ROBO2: variants seen among roughly 807,000 people sequenced by gnomAD.
The protein encoded by ROBO2 is roundabout guidance receptor 2, also known as roundabout homolog 2.
In ROBO2, 53 loss-of-function variants were observed where a neutral mutation model predicts 160.8. That is an observed-to-expected ratio of 0.33 (90% CI 0.26 to 0.41). ROBO2 has a LOEUF of 0.41. ROBO2 is among the 10% of genes least tolerant of loss of function. ROBO2 has a pLI of 1.00. For synonymous variants in ROBO2, 664 were observed against 611.7 expected (o/e 1.09, Z -1.26); for missense variants, 1,577 against 1,722.4 (o/e 0.92, Z 1.49).
At chr3:75,961,888 TTTA>T in intron 2 of ROBO2, among the ~76,000 whole-genome samples, 1 of 151,472 alleles carries the variant, frequency 6.6e-6, no homozygotes, top group East Asian at 2.0e-4. Context: ...CTAGAAGTAA[TTTA>T]TTCTTTCATT....
chr3:76,194,973 G>T (rs149219876), intron 2 of ROBO2, among the ~76,000 whole-genome samples: 49 of 152,218 alleles, frequency 3.2e-4, no homozygotes, highest in African/African-American at 1.1e-3. Flanking sequence ...GACATAAAAA[G>T]GAGTAGTTCA....
Position 76,454,307 on chromosome 3 carries a change from A to T in ROBO2, c.109+516705A>T, listed in dbSNP as rs1021060424. ...GTTTTGCAAAAGTTATTGGGTCAAA[A>T]CTTACTTTAAGCAAGAGAAGAGTAA... On this transcript the variant is annotated intron_variant, in intron 2 of 26. Transcript: ENST00000487694. Among the ~76,000 whole-genome samples the T allele has an allele frequency of 2.6e-5, 4 of 152,194 alleles. No homozygotes were observed. In the East Asian group the frequency reaches 5.8e-4, roughly 22 times the overall value.
intron 2 of ROBO2, among the ~76,000 whole-genome samples, chr3:77,179,610 A>G (rs6548483): frequency 0.57 from 87,272 of 151,912 alleles, 25,882 homozygotes; most frequent in African/African-American, 0.71. Flanking sequence ...AAAATTAATA[A>G]CATTAAAAAC....
At chr3:77,483,643 T>C (rs1422831643) in intron 4 of ROBO2, among the ~76,000 whole-genome samples, 1 of 150,862 alleles carries the variant, frequency 6.6e-6, no homozygotes, top group East Asian at 1.9e-4. Context: ...TGCAGTTCAA[T>C]CTTTATCTTA....
At chr3:76,172,799 A>C (rs1221814025) in intron 2 of ROBO2, among the ~76,000 whole-genome samples, 2 of 152,172 alleles carry the variant, frequency 1.3e-5, no homozygotes, top group African/African-American at 4.8e-5. Flanking sequence ...TCTTGCTACA[A>C]AAATAAAAGC....
intron 2 of ROBO2, among the ~76,000 whole-genome samples, chr3:76,196,064 C>A (rs1334601918): frequency 2.6e-5 from 4 of 152,138 alleles, no homozygotes; most frequent in African/African-American, 7.2e-5. Flanking sequence ...AGACAAGGAG[C>A]CTGGGTACAT....
intron 2 of ROBO2, among the ~76,000 whole-genome samples, chr3:76,406,355 T>C (rs894175022): frequency 6.6e-5 from 10 of 151,896 alleles, no homozygotes; most frequent in African/African-American, 1.9e-4. Flanking sequence ...AATTTTTTGA[T>C]TAAATACTTT....
At chr3:76,396,574 C>T (rs2077462107) in intron 2 of ROBO2, among the ~76,000 whole-genome samples, 2 of 152,070 alleles carry the variant, frequency 1.3e-5, no homozygotes, top group Admixed American at 6.6e-5. Context: ...CTAGAAAACC[C>T]CATTGTCTCA....
chr3:76,790,287 T>C (rs62261801), intron 2 of ROBO2, among the ~76,000 whole-genome samples: 3,208 of 151,722 alleles, frequency 0.021, 50 homozygotes, highest in Non-Finnish European at 0.032. Context: ...TTAGCCAAAC[T>C]TGAGCTTTTA....
intron 2 of ROBO2, among the ~76,000 whole-genome samples, chr3:76,314,178 G>C (rs935546246): frequency 3.2e-4 from 48 of 152,106 alleles, no homozygotes; most frequent in African/African-American, 1.2e-3. Context: ...GAAGGCAGGT[G>C]TCCCATCTGA....
At chr3:77,003,058 T>C (rs977402027) in intron 2 of ROBO2, among the ~76,000 whole-genome samples, 11 of 152,218 alleles carry the variant, frequency 7.2e-5, no homozygotes, top group East Asian at 1.9e-4. Context: ...TATTATTCTC[T>C]AGTTTTTATC....
intron 2 of ROBO2, among the ~76,000 whole-genome samples, chr3:76,502,250 C>A (rs2080500188): frequency 6.6e-6 from 1 of 152,126 alleles, no homozygotes; most frequent in Non-Finnish European, 1.5e-5. Context: ...AATACAGCTG[C>A]TCCTCCCTTC....
intron 5 of ROBO2, among the ~76,000 whole-genome samples, chr3:77,502,440 A>G (rs2153608347): frequency 6.6e-6 from 1 of 152,310 alleles, no homozygotes; most frequent in East Asian, 1.9e-4. Flanking sequence ...TATACTACTT[A>G]TTGACACAAA....
At chr3:77,041,775 A>G (rs2064125440) in intron 1 of ROBO2, among the ~76,000 whole-genome samples, 1 of 152,228 alleles carries the variant, frequency 6.6e-6, no homozygotes, top group Non-Finnish European at 1.5e-5. Flanking sequence ...TATCGATGGA[A>G]ACAACTGGTA....
At chr3:76,312,458 T>C (rs1451593728) in intron 2 of ROBO2, among the ~76,000 whole-genome samples, 1 of 152,216 alleles carries the variant, frequency 6.6e-6, no homozygotes, top group Non-Finnish European at 1.5e-5. Flanking sequence ...TTAAATATAT[T>C]ACAAATCTTC....
At chr3:77,596,802 T>G (rs1391727818) in intron 19 of ROBO2, 52 bp downstream of exon 20, 1 of 1,599,448 alleles carries the variant, frequency 6.3e-7, no homozygotes, top group African/African-American at 1.4e-5. Context: ...TCTCTTTTTT[T>G]TTTTTTGACC....
chr3:77,564,937 T>G lies in ROBO2; in HGVS notation c.1683-17T>G, dbSNP rs17015351. 7,561 of 1,611,926 alleles carry G rather than the reference T, an allele frequency of 4.7e-3. 231 individuals are homozygous for G. The African/African-American group carries it at 0.079, about 17-fold the overall frequency. On this transcript the variant is annotated splice_polypyrimidine_tract_variant and intron_variant, in intron 11 of 25. Coordinates refer to ENST00000461745, the Ensembl canonical transcript of ROBO2. ...CAAATGACTGTTCTTTAAATGAAAT[T>G]TCTGTTCGCGTTTCAGCCAATCAGT...
intron 2 of ROBO2, among the ~76,000 whole-genome samples, chr3:76,396,069 C>G (rs912998453): frequency 1.1e-4 from 17 of 152,094 alleles, no homozygotes; most frequent in Non-Finnish European, 2.4e-4. Flanking sequence ...TGCAAAAATC[C>G]TCAGTAAAAT....
intron 2 of ROBO2, among the ~76,000 whole-genome samples, chr3:76,450,724 G>A (rs529185540): frequency 6.6e-6 from 1 of 152,148 alleles, no homozygotes; most frequent in African/African-American, 2.4e-5. Context: ...TTCTGTTAAT[G>A]AAGATCTACA....
Sources: allele counts gnomAD v4.1 joint callset (sites outside exome capture counted in the v4.1 genomes callset), GRCh38; gene constraint gnomAD v4.1.1; transcripts MANE v1.5; gene names NCBI Gene and HGNC (gene_info 2026-07-23, HGNC 2026-07-21).